Variants in PARD3 observed in about 807,000 individuals in gnomAD.
PARD3 encodes the protein partitioning defective 3 homolog.
Under a neutral mutation model 155.4 loss-of-function variants are expected in PARD3, and 75 were observed. That is an observed-to-expected ratio of 0.48 (90% CI 0.40 to 0.58). The LOEUF is 0.58. Among genes scored for constraint, PARD3 ranks in the 20% least tolerant of loss-of-function variants. The pLI, the probability that PARD3 is intolerant of heterozygous loss-of-function variation, is 0.00. For synonymous variants in PARD3, 576 were observed against 610.5 expected, an observed-to-expected ratio of 0.94 and a Z score of 0.83; for missense variants, 1,642 against 1,721.7, an observed-to-expected ratio of 0.95 and a Z score of 0.82.
intron 2 of PARD3, among the ~76,000 whole-genome samples, chr10:34,659,218 G>T (rs1303219327): frequency 6.6e-6 from 1 of 152,132 alleles, no homozygotes; most frequent in African/African-American, 2.4e-5. Flanking sequence ...CATGTCATCT[G>T]CCCTGAGTTT....
chr10:34,377,897 T>G lies in PARD3; in HGVS notation c.1539+70A>C, dbSNP rs1204051170. 5.6e-6 allele frequency: 7 copies of G among 1,260,214 alleles called. No individual in the cohort carries two copies. The South Asian group carries it at 1.1e-4, about 20-fold the overall frequency. The allele number at this position is 1,260,214 out of a possible 1,614,324, so 78.1% of individuals were successfully genotyped here. On this transcript the variant is annotated intron_variant, in intron 10 of 24. Coordinates refer to ENST00000374788, the MANE Select transcript of PARD3 (RefSeq NM_001184785.2). ...GAATTTCATATTTTATGAAAATGTT[T>G]TTAAAAGTTGGCTCCTGGAAATGGA...
At chr10:34,739,269 G>T (rs1307468335) in intron 1 of PARD3, among the ~76,000 whole-genome samples, 1 of 152,312 alleles carries the variant, frequency 6.6e-6, no homozygotes, top group East Asian at 1.9e-4. Context: ...TCACAGTGAT[G>T]TAAGACATTA....
intron 2 of PARD3, among the ~76,000 whole-genome samples, chr10:34,654,722 A>C (rs185446357): frequency 1.3e-5 from 2 of 152,234 alleles, no homozygotes; most frequent in African/African-American, 4.8e-5. Context: ...CTTCCATCCT[A>C]CAGCTCCTCC....
At chr10:34,537,231 T>A (rs540009815) in intron 2 of PARD3, among the ~76,000 whole-genome samples, 1 of 152,348 alleles carries the variant, frequency 6.6e-6, no homozygotes, top group African/African-American at 2.4e-5. Context: ...TCAAAATTCC[T>A]GACTTCAGGT....
rs572881409 is a variant in PARD3 at position 34,798,726 on chromosome 10, A to G, written c.120+16150T>C. 2.5e-3 allele frequency among the ~76,000 whole-genome samples: 368 copies of G among 148,382 alleles called. 1 individual carries two copies. Among genetic ancestry groups the G allele is most frequent in the Non-Finnish European group, 4.3e-3 (286 of 67,160 alleles). ...TCTCCAAAAAAAAAAAAAAAAACCC[A>G]CACATACAGGCTGATCCACTGTCAC... is the stretch of plus-strand genomic sequence containing the variant. On this transcript the variant is annotated intron_variant, in intron 1 of 24. Coordinates refer to ENST00000374788, the MANE Select transcript of PARD3 (RefSeq NM_001184785.2).
chr10:34,386,817 C>CAA (rs79015033), intron 7 of PARD3, among the ~76,000 whole-genome samples: 202 of 85,504 alleles, frequency 2.4e-3, no homozygotes, highest in African/African-American at 8.1e-3. Context: ...AAACTCCGTC[C>CAA]AAAAAAAAAA....
At chr10:34,549,067 G>A (rs1421823550) in intron 2 of PARD3, among the ~76,000 whole-genome samples, 2 of 152,210 alleles carry the variant, frequency 1.3e-5, no homozygotes, top group African/African-American at 4.8e-5. Context: ...CTGTGTGTTT[G>A]TAGCCGATAT....
chr10:34,464,741 T>C (rs1209049531), intron 4 of PARD3, among the ~76,000 whole-genome samples: 1 of 152,178 alleles, frequency 6.6e-6, no homozygotes. Context: ...ATTCTCTCAA[T>C]ACAGCAGAAA....
At chr10:34,396,378 C>A (rs1308824356) in intron 7 of PARD3, among the ~76,000 whole-genome samples, 1 of 151,614 alleles carries the variant, frequency 6.6e-6, no homozygotes, top group South Asian at 2.1e-4. Context: ...CCAACAACAA[C>A]AAAAAAAACT....
chr10:34,362,218 G>C (rs1455452511), intron 12 of PARD3, among the ~76,000 whole-genome samples: 1 of 152,124 alleles, frequency 6.6e-6, no homozygotes, highest in Non-Finnish European at 1.5e-5. Context: ...AGAATGGCGT[G>C]AACCTAGGAG....
intron 2 of PARD3, among the ~76,000 whole-genome samples, chr10:34,649,708 A>T (rs1180401547): frequency 6.6e-6 from 1 of 152,218 alleles, no homozygotes; most frequent in Non-Finnish European, 1.5e-5. Context: ...TTTTCTAAAG[A>T]TTCTTTCTTC....
intron 1 of PARD3, among the ~76,000 whole-genome samples, chr10:34,746,546 T>A (rs1345276181): frequency 6.6e-6 from 1 of 152,192 alleles, no homozygotes; most frequent in Non-Finnish European, 1.5e-5. Flanking sequence ...CTATGTACTT[T>A]TGCAAATATG....
At chr10:34,596,494 A>C (rs117039208) in intron 2 of PARD3, among the ~76,000 whole-genome samples, 2,920 of 152,308 alleles carry the variant, frequency 0.019, 37 homozygotes, top group Non-Finnish European at 0.026. Flanking sequence ...AGAGAGAATT[A>C]GTGCAGAGCA....
intron 5 of PARD3, among the ~76,000 whole-genome samples, chr10:34,404,244 G>A (rs4934633): frequency 0.22 from 33,321 of 152,126 alleles, 6,701 homozygotes; most frequent in African/African-American, 0.54. Flanking sequence ...GTTTTATTCT[G>A]TTGTCTGGTA....
chr10:34,773,172 A>C (rs1384079826), intron 1 of PARD3, among the ~76,000 whole-genome samples: 6 of 152,244 alleles, frequency 3.9e-5, no homozygotes, highest in Non-Finnish European at 8.8e-5. Flanking sequence ...AAACAAAAAA[A>C]GAGAAAATAC....
chr10:34,814,715 G>T (rs1415949905), intron 1 of PARD3, among the ~76,000 whole-genome samples, 161 bp downstream of exon 1: 1 of 151,694 alleles, frequency 6.6e-6, no homozygotes, highest in East Asian at 2.0e-4. Flanking sequence ...GAACTTTGGC[G>T]CCCGCAGTCC....
chr10:34,391,662 T>TA (rs1376026206), intron 7 of PARD3, among the ~76,000 whole-genome samples: 1 of 152,202 alleles, frequency 6.6e-6, no homozygotes, highest in African/African-American at 2.4e-5. Context: ...ATGCAGGATG[T>TA]AAAAAACAAA....
chr10:34,752,149 G>T (rs1270691198), intron 1 of PARD3, among the ~76,000 whole-genome samples: 1 of 151,840 alleles, frequency 6.6e-6, no homozygotes, highest in Non-Finnish European at 1.5e-5. Flanking sequence ...TTTTCTGTGG[G>T]ATGAGAAAAA....
At chr10:34,758,826 T>C (rs1313476254) in intron 1 of PARD3, among the ~76,000 whole-genome samples, 1 of 152,192 alleles carries the variant, frequency 6.6e-6, no homozygotes, top group Non-Finnish European at 1.5e-5. Context: ...TGGTGACGGA[T>C]GACAAGGAAG....
Sources: allele counts gnomAD v4.1 joint callset (sites outside exome capture counted in the v4.1 genomes callset), GRCh38; gene constraint gnomAD v4.1.1; transcripts MANE v1.5; gene names NCBI Gene and HGNC (gene_info 2026-07-23, HGNC 2026-07-21).